KANSL1: variants seen among roughly 807,000 people sequenced by gnomAD.
KANSL1 encodes KAT8 regulatory NSL complex subunit 1.
Under a neutral mutation model 103.6 loss-of-function variants are expected in KANSL1, and 22 were observed. The observed-to-expected ratio is 0.21, with a 90% CI of 0.15 to 0.30. KANSL1 has a LOEUF of 0.30. Ranked by LOEUF, KANSL1 falls within the 10% of genes least tolerant of loss-of-function variation. The pLI is 1.00. For missense variants in KANSL1, 1,337 were observed against 1,399.8 expected, an observed-to-expected ratio of 0.96 and a Z score of 0.72; for synonymous variants, 600 against 527.6, an observed-to-expected ratio of 1.14 and a Z score of -1.88.
intron 2 of KANSL1, among the ~76,000 whole-genome samples, chr17:46,104,930 C>T (rs2042469255): frequency 2.6e-5 from 4 of 152,166 alleles, no homozygotes; most frequent in African/African-American, 7.2e-5. Context: ...AATCTCCTGC[C>T]TCAGCCTCCC....
intron 3 of KANSL1, among the ~76,000 whole-genome samples, chr17:46,084,360 C>T (rs986108153): frequency 6.6e-6 from 1 of 151,730 alleles, no homozygotes; most frequent in Non-Finnish European, 1.5e-5. Context: ...CCAGCCTGGG[C>T]GACAGACCAA....
At position 46,055,775 on chromosome 17, in the gene KANSL1, C is replaced by T. The variant is rs376893712; in HGVS notation, c.1849-5071G>A. On this transcript the variant is annotated intron_variant, in intron 6 of 14. Coordinates refer to ENST00000432791, the MANE Select transcript of KANSL1 (RefSeq NM_015443.4). ...TACAGTAATTAAAATAATCTGCCCT[C>T]GGTTAAGAAACAGAAAATTTAAATA... Among the ~76,000 whole-genome samples, 24 of 151,918 alleles carry T rather than the reference C, an allele frequency of 1.6e-4. 1 individual carries two copies. In the Middle Eastern group the frequency reaches 0.017, roughly 108 times the overall value.
chr17:46,146,438 A>C (rs1297099183), intron 2 of KANSL1, among the ~76,000 whole-genome samples: 2 of 152,108 alleles, frequency 1.3e-5, no homozygotes, highest in African/African-American at 2.4e-5. Flanking sequence ...TTTCCTCTAC[A>C]CTGATCCTAA....
rs1171141328 is a variant in KANSL1 at position 46,193,194 on chromosome 17, A to G, written c.-461T>C. On this transcript the variant is annotated 5_prime_UTR_variant, in exon 1 of 15. Coordinates refer to ENST00000432791, the MANE Select transcript of KANSL1 (RefSeq NM_015443.4). ...GCCCCCCCGCCCCGCACAAACAAGC[A>G]CCGCCGTCTGCAGCCCGAACCCGCA... The G allele has an allele frequency of 6.6e-6, 1 of 150,492 alleles. No homozygotes were observed. Among genetic ancestry groups the G allele is most frequent in the Non-Finnish European group, 1.5e-5 (1 of 67,996 alleles). 9.3% of individuals were successfully genotyped at this position (150,492 alleles called of 1,614,324 possible).
chr17:46,184,913 C>T (rs1207243063), intron 1 of KANSL1, among the ~76,000 whole-genome samples: 1 of 149,346 alleles, frequency 6.7e-6, no homozygotes, highest in Non-Finnish European at 1.5e-5. Context: ...AATATTGGCT[C>T]ACTGCAACCT....
At chr17:46,092,625 G>A (rs996852338) in intron 3 of KANSL1, among the ~76,000 whole-genome samples, 16 of 146,226 alleles carry the variant, frequency 1.1e-4, no homozygotes, top group Middle Eastern at 3.6e-3. Context: ...TAACATGACT[G>A]TATTTGAACA....
In KANSL1 at chr17:46,209,195, G is replaced by A. The variant is rs539895790; in HGVS notation, c.-90+14476C>T. Reference sequence around the variant, plus strand: ...GCAAAACTCCATCTCAAAAAAAAAAGAAAATGCAAAGTCACCTAAGAGACA... The same window carrying A: ...GCAAAACTCCATCTCAAAAAAAAAAAAAAATGCAAAGTCACCTAAGAGACA... On this transcript the variant is annotated intron_variant, in intron 1 of 14. Coordinates refer to the KANSL1 transcript ENST00000572904. 1.6e-4 allele frequency among the ~76,000 whole-genome samples: 25 copies of A among 151,852 alleles called. No individual in the cohort carries two copies. In the South Asian group the frequency reaches 3.7e-3, roughly 23 times the overall value.
At chr17:46,216,598 C>CCA (rs2048347014) in intron 1 of KANSL1, among the ~76,000 whole-genome samples, 1 of 83,752 alleles carries the variant, frequency 1.2e-5, no homozygotes, top group Non-Finnish European at 2.3e-5. Context: ...GACTCCGTCT[C>CCA]AAAAAAAAAA....
In KANSL1 at chr17:46,033,720, C is replaced by A. The variant is rs1264890667; in HGVS notation, c.2667-260G>T. 2.0e-5 allele frequency among the ~76,000 whole-genome samples: 3 copies of A among 152,112 alleles called. No individual in the cohort carries two copies. The East Asian group carries it at 5.8e-4, about 29-fold the overall frequency. On this transcript the variant is annotated intron_variant, in intron 11 of 14. Coordinates refer to ENST00000432791, the MANE Select transcript of KANSL1 (RefSeq NM_015443.4). ...TGAGGCTGAGAGACTGTGACAAACA[C>A]AAGAAAAGAAACCTGTTTAAAGAGG...
At chr17:46,046,628 GAGTTCAAGAC>G (rs2077518250) in intron 7 of KANSL1, among the ~76,000 whole-genome samples, 1 of 150,166 alleles carries the variant, frequency 6.7e-6, no homozygotes, top group Non-Finnish European at 1.5e-5. Flanking sequence ...ACGAGGTCAG[GAGTTCAAGAC>G]CCTCCTGGCC....
chr17:46,079,780 C>T (rs2078915491), intron 4 of KANSL1, among the ~76,000 whole-genome samples: 1 of 152,138 alleles, frequency 6.6e-6, no homozygotes, highest in Non-Finnish European at 1.5e-5. Flanking sequence ...AGTTTGAGAC[C>T]AGCCTGGGCA....
intron 6 of KANSL1, among the ~76,000 whole-genome samples, chr17:46,054,305 C>T (rs557794343): frequency 2.0e-5 from 3 of 152,308 alleles, no homozygotes; most frequent in East Asian, 3.9e-4. Context: ...CCACCCGTAT[C>T]AGCTTCCCAA....
intron 2 of KANSL1, among the ~76,000 whole-genome samples, chr17:46,111,518 A>G (rs2042804382): frequency 6.6e-6 from 1 of 152,154 alleles, no homozygotes; most frequent in South Asian, 2.1e-4. Flanking sequence ...CCGAAAGAGA[A>G]TATTAAGGAA....
intron 6 of KANSL1, 46 bp from the exon 7 acceptor site, chr17:46,050,750 A>T (rs1225499209): frequency 1.3e-6 from 2 of 1,567,252 alleles, no homozygotes; most frequent in African/African-American, 2.7e-5. Context: ...ATCTGATAAA[A>T]AGCCAGCTAC....
chr17:46,183,290 T>C (rs78416041), intron 1 of KANSL1, among the ~76,000 whole-genome samples: 1 of 150,620 alleles, frequency 6.6e-6, no homozygotes, highest in African/African-American at 2.4e-5. Context: ...TTTTTTTTTT[T>C]AAATGATGGC....
intron 2 of KANSL1, among the ~76,000 whole-genome samples, chr17:46,132,761 A>G (rs9303526): frequency 0.025 from 3,814 of 152,260 alleles, 173 homozygotes; most frequent in African/African-American, 0.088. Flanking sequence ...CACGTAATAT[A>G]GTTAGACCCT....
At chr17:46,084,573 T>A (rs976113110) in intron 3 of KANSL1, among the ~76,000 whole-genome samples, 1 of 151,422 alleles carries the variant, frequency 6.6e-6, no homozygotes, top group Non-Finnish European at 1.5e-5. Flanking sequence ...TCCCAGCTAC[T>A]TGGGAGGCTG....
chr17:46,031,617 T>C lies in KANSL1; in HGVS notation c.3177A>G (p.Arg1059=), dbSNP rs756355714. 1.2e-6 allele frequency: 2 copies of C among 1,614,116 alleles called. No homozygotes were observed. The highest frequency in any genetic ancestry group is 1.7e-5 in the Admixed American group (1 of 60,022). Residue 1059 remains arginine (R), a synonymous_variant, in exon 15 of 15, where the codon CGA becomes CGG. Coordinates refer to ENST00000432791, the MANE Select transcript of KANSL1 (RefSeq NM_015443.4). ...ECEDQLDAQE[R]AARCTRRTSG... is the part of the protein sequence containing the mutation. ...AGGTGCGTCGAGTGCAGCGGGCTGC[T>C]CGCTCCTGTGCATCCAGCTGGTCCT...
intron 6 of KANSL1, among the ~76,000 whole-genome samples, chr17:46,066,041 G>C (rs565655960): frequency 1.3e-5 from 2 of 152,220 alleles, no homozygotes; most frequent in East Asian, 3.9e-4. Flanking sequence ...ATACTTTGTA[G>C]AGATGAAGGT....
Sources: gnomAD v4.1 joint callset for allele counts (sites outside exome capture counted in the v4.1 genomes callset) on GRCh38, gnomAD v4.1.1 for gene constraint, MANE v1.5 for transcripts, NCBI Gene and HGNC (gene_info 2026-07-23, HGNC 2026-07-21) for gene names.